The following APBB1IP variants were observed in gnomAD, a reference collection of about 807,000 sequenced individuals.
APBB1IP encodes amyloid beta A4 precursor protein-binding family B member 1-interacting protein.
APBB1IP carries 27 observed loss-of-function variants against 64.9 expected under a neutral mutation model. The observed-to-expected ratio is 0.42, with a 90% CI of 0.31 to 0.57. APBB1IP has a LOEUF of 0.57. Among genes scored for constraint, APBB1IP ranks in the 20% least tolerant of loss-of-function variants. The pLI, the probability that APBB1IP is intolerant of heterozygous loss-of-function variation, is 0.20. For synonymous variants in APBB1IP, 392 were observed against 331.0 expected (o/e 1.18, Z -2.00); for missense variants, 812 against 845.5 (o/e 0.96, Z 0.49).
At chr10:26,521,645 C>G (rs904823289) in intron 8 of APBB1IP, among the ~76,000 whole-genome samples, 4 of 152,186 alleles carry the variant, frequency 2.6e-5, no homozygotes, top group African/African-American at 9.7e-5. Context: ...GGATCTCAAA[C>G]TCTGTGCTTG....
intron 7 of APBB1IP, among the ~76,000 whole-genome samples, chr10:26,512,863 A>G (rs1011918234): frequency 6.6e-6 from 1 of 152,070 alleles, no homozygotes; most frequent in African/African-American, 2.4e-5. Context: ...TTTTTTCTGG[A>G]TAAGATGGTT....
At chr10:26,450,265 A>T (rs921704934) in intron 2 of APBB1IP, among the ~76,000 whole-genome samples, 5 of 152,244 alleles carry the variant, frequency 3.3e-5, no homozygotes, top group Non-Finnish European at 7.3e-5. Context: ...GGCATGTAGC[A>T]TGCGCTCAAA....
At chr10:26,508,586 A>G (rs1836213880) in intron 6 of APBB1IP, among the ~76,000 whole-genome samples, 1 of 149,926 alleles carries the variant, frequency 6.7e-6, no homozygotes, top group Admixed American at 6.7e-5. Flanking sequence ...TTAGCTTGCT[A>G]AATCACATAA....
At chr10:26,481,528 A>G (rs1304168662) in intron 2 of APBB1IP, among the ~76,000 whole-genome samples, 1 of 151,938 alleles carries the variant, frequency 6.6e-6, no homozygotes, top group Non-Finnish European at 1.5e-5. Flanking sequence ...TTTGTCACTC[A>G]GGCTAGAGGG....
intron 2 of APBB1IP, among the ~76,000 whole-genome samples, chr10:26,470,126 T>C (rs562944260): frequency 6.6e-6 from 1 of 152,304 alleles, no homozygotes; most frequent in African/African-American, 2.4e-5. Context: ...TATATGGTGG[T>C]GCAAAAGCAA....
intron 8 of APBB1IP, among the ~76,000 whole-genome samples, chr10:26,520,625 G>A (rs1418914005): frequency 2.0e-5 from 3 of 152,218 alleles, no homozygotes; most frequent in Non-Finnish European, 2.9e-5. Flanking sequence ...AGAGACATTA[G>A]TGATATGCTT....
At chr10:26,492,658 A>C (rs1835970307) in intron 3 of APBB1IP, among the ~76,000 whole-genome samples, 1 of 152,182 alleles carries the variant, frequency 6.6e-6, no homozygotes, top group African/African-American at 2.4e-5. Context: ...TGATACCCCC[A>C]AGCCATAAAA....
In APBB1IP at chr10:26,551,251, A is replaced by G. The variant is rs543184137; in HGVS notation, c.1156-8854A>G. On this transcript the variant is annotated intron_variant, in intron 11 of 14. Coordinates refer to ENST00000376236, the MANE Select transcript of APBB1IP (RefSeq NM_019043.4). Reference sequence around the variant, plus strand: ...TCAGCCCCGTTGGTACTTGGTACTCACAGTGCTCTCCATAGGCCCATGCAG... The same window carrying G: ...TCAGCCCCGTTGGTACTTGGTACTCGCAGTGCTCTCCATAGGCCCATGCAG... Among the ~76,000 whole-genome samples the G allele has an allele frequency of 4.6e-5, 7 of 152,258 alleles. No individual in the cohort carries two copies. The East Asian group carries it at 1.4e-3, about 29-fold the overall frequency.
intron 1 of APBB1IP, 31 bp from the exon 2 acceptor site, chr10:26,438,619 CAT>C (rs1413299100): frequency 6.6e-6 from 1 of 152,230 alleles, no homozygotes. Context: ...GTCCTTTACG[CAT>C]ATGTTTGTCT....
intron 10 of APBB1IP, among the ~76,000 whole-genome samples, chr10:26,538,114 T>G (rs1417685685): frequency 6.6e-6 from 1 of 152,150 alleles, no homozygotes; most frequent in Non-Finnish European, 1.5e-5. Flanking sequence ...TCCAGCAATA[T>G]GAGACACTCA....
Position 26,480,987 on chromosome 10 carries a change from T to C in APBB1IP, c.1-11340T>C, listed in dbSNP as rs534224585. ...TGTATCTCTTCAAAAAATTCTAAAT[T>C]GCATTGTCCCTCTGGTTTTAGGTCA... On this transcript the variant is annotated intron_variant, in intron 2 of 14. Coordinates refer to ENST00000376236, the MANE Select transcript of APBB1IP (RefSeq NM_019043.4). 2.0e-5 allele frequency among the ~76,000 whole-genome samples: 3 copies of C among 152,278 alleles called. No individual in the cohort carries two copies. In the South Asian group the frequency reaches 6.2e-4, roughly 32 times the overall value.
At chr10:26,495,381 A>ACCCGTTC (rs1564360556) in intron 3 of APBB1IP, among the ~76,000 whole-genome samples, 1 of 150,956 alleles carries the variant, frequency 6.6e-6, no homozygotes, top group Non-Finnish European at 1.5e-5. Flanking sequence ...GTCTCTCTGT[A>ACCCGTTC]CCTCATTCCT....
intron 2 of APBB1IP, among the ~76,000 whole-genome samples, chr10:26,478,932 A>G (rs1835806444): frequency 6.6e-6 from 1 of 152,232 alleles, no homozygotes. Context: ...AAAAAATACA[A>G]AATTGTCAAT....
chr10:26,469,196 AT>A (rs1835685016), intron 2 of APBB1IP, among the ~76,000 whole-genome samples: 1 of 147,998 alleles, frequency 6.8e-6, no homozygotes, highest in African/African-American at 2.5e-5. Context: ...GTACAAAAAT[AT>A]TTTTATATCC....
In APBB1IP at chr10:26,462,572, G is replaced by A. The variant is rs181445515; in HGVS notation, c.-1+23719G>A. Among the ~76,000 whole-genome samples, 1,081 of 152,232 alleles carry A rather than the reference G, an allele frequency of 7.1e-3. 10 individuals are homozygous for A. Among genetic ancestry groups the A allele is most frequent in the African/African-American group, 0.025 (1,022 of 41,548 alleles). The stretch of plus-strand genomic sequence containing the variant: ...CATTTCCCACTGGTGAGTTGTTCTT[G>A]TATACTTGGTTATTATGTACTATCC... On this transcript the variant is annotated intron_variant, in intron 2 of 14. Transcript: ENST00000376236.
At chr10:26,525,587 T>G (rs541060913) in intron 8 of APBB1IP, among the ~76,000 whole-genome samples, 1 of 152,270 alleles carries the variant, frequency 6.6e-6, no homozygotes, top group Non-Finnish European at 1.5e-5. Flanking sequence ...AAGGCAGCTT[T>G]AGTTTAGAAG....
At chr10:26,487,138 C>G (rs1835901511) in intron 2 of APBB1IP, among the ~76,000 whole-genome samples, 1 of 151,898 alleles carries the variant, frequency 6.6e-6, no homozygotes, top group Non-Finnish European at 1.5e-5. Flanking sequence ...TGTGATAACT[C>G]CACCCCAGCT....
intron 2 of APBB1IP, among the ~76,000 whole-genome samples, chr10:26,458,738 G>A (rs1835555558): frequency 1.3e-5 from 2 of 152,016 alleles, no homozygotes; most frequent in Admixed American, 1.3e-4. Flanking sequence ...ATTCTGGTAG[G>A]ATTTTAAAGC....
intron 6 of APBB1IP, among the ~76,000 whole-genome samples, chr10:26,510,606 C>T (rs935672580): frequency 6.6e-6 from 1 of 151,872 alleles, no homozygotes; most frequent in African/African-American, 2.4e-5. Flanking sequence ...TGTGGTGGTG[C>T]ACACCTGTGG....
Sources: gnomAD v4.1 joint callset for allele counts (sites outside exome capture counted in the v4.1 genomes callset) on GRCh38, gnomAD v4.1.1 for gene constraint, MANE v1.5 for transcripts, NCBI Gene and HGNC (gene_info 2026-07-23, HGNC 2026-07-21) for gene names.